Variants in DDX6 observed in about 807,000 individuals in gnomAD.
DDX6 encodes probable ATP-dependent RNA helicase DDX6.
In DDX6, 7 loss-of-function variants were observed where a neutral mutation model predicts 60.6. The ratio of observed to expected loss-of-function variants is 0.12; its 90% confidence interval spans 0.07 to 0.22. DDX6 has a LOEUF of 0.22. DDX6 is among the 10% of genes least tolerant of loss of function. The probability of loss-of-function intolerance (pLI) is 1.00; values close to 1 mark genes in which losing one functional copy is unlikely to be tolerated. For synonymous variants in DDX6, 207 were observed against 201.0 expected (o/e 1.03, Z -0.25); for missense variants, 270 against 589.9 (o/e 0.46, Z 5.62).
intron 7 of DDX6, among the ~76,000 whole-genome samples, chr11:118,762,028 A>G (rs1861188107): frequency 6.6e-6 from 1 of 152,008 alleles, no homozygotes; most frequent in Admixed American, 6.6e-5. Flanking sequence ...TAATCCCAGC[A>G]ATTTGGGAGG....
At chr11:118,763,336 CATTA>C (rs1565565788) in intron 6 of DDX6, 30 bp from the exon 7 acceptor site, 1 of 1,512,022 alleles carries the variant, frequency 6.6e-7, no homozygotes, top group South Asian at 1.1e-5. Flanking sequence ...CATACATTCT[CATTA>C]ATTTTAATTT....
At position 118,763,272 on chromosome 11, in the gene DDX6, C is replaced by G; in HGVS notation, c.681G>C (p.Leu227=). ...TTGCTACTCCTTTCTTAATAAGATC[C>G]AGGATTCTCCCAGGGGTAGCAATCA... ...HVVIATPGRI[L]DLIKKGVAKV... Residue 227 remains leucine, a synonymous_variant, in exon 7 of 14, where the codon CTG becomes CTC. Coordinates refer to ENST00000534980, the MANE Select transcript of DDX6 (RefSeq NM_004397.6). 2.5e-6 allele frequency: 4 copies of G among 1,612,960 alleles called. No homozygotes were observed. The highest frequency in any genetic ancestry group is 3.4e-6 in the Non-Finnish European group (4 of 1,179,596).
chr11:118,763,727 A>G (rs1392818727), intron 6 of DDX6, among the ~76,000 whole-genome samples: 4 of 151,840 alleles, frequency 2.6e-5, no homozygotes, highest in South Asian at 2.1e-4. Flanking sequence ...CCAGCTACTC[A>G]GGAGGCTGAG....
chr11:118,749,963 G>A lies in DDX6; in HGVS notation c.*2142C>T, dbSNP rs572253695. Reference sequence around the variant, plus strand: ...TTGCTACAGTTGTTAAGGAGTTAGGGCTATGTCCCATCAGGAGGCATCTGT... The same window carrying A: ...TTGCTACAGTTGTTAAGGAGTTAGGACTATGTCCCATCAGGAGGCATCTGT... On this transcript the variant is annotated 3_prime_UTR_variant, in exon 14 of 14. Transcript: ENST00000534980. 3.3e-5 allele frequency: 5 copies of A among 152,550 alleles called. No individual in the cohort carries two copies. The highest frequency in any genetic ancestry group is 7.3e-5 in the Non-Finnish European group (5 of 68,034). The allele number at this position is 152,550 out of a possible 1,614,324, so 9.4% of individuals were successfully genotyped here.
chr11:118,748,884 A>G lies in DDX6; in HGVS notation c.*3221T>C, dbSNP rs1860652302. The G allele has an allele frequency of 6.6e-6, 1 of 152,214 alleles. No individual in the cohort carries two copies. Among genetic ancestry groups the G allele is most frequent in the Non-Finnish European group, 1.5e-5 (1 of 68,046 alleles). 9.4% of individuals were successfully genotyped at this position (152,214 alleles called of 1,614,324 possible). A position where few individuals can be genotyped will look rare whatever the true frequency, so the allele number is the denominator to read the frequency against. ...TCAAGCACAAAGCACGTGGCAAAGG[A>G]AAGATGCTCCCATCTCATTCTGAAA... On this transcript the variant is annotated 3_prime_UTR_variant, in exon 14 of 14. Coordinates refer to ENST00000534980, the MANE Select transcript of DDX6 (RefSeq NM_004397.6).
At chr11:118,776,811 A>G (rs1555163694) in intron 4 of DDX6, among the ~76,000 whole-genome samples, 1 of 151,394 alleles carries the variant, frequency 6.6e-6, no homozygotes, top group African/African-American at 2.4e-5. Flanking sequence ...CCAGCCTGGC[A>G]ACAGAGTAAG....
chr11:118,765,728 C>T (rs994295767), intron 5 of DDX6, among the ~76,000 whole-genome samples: 7 of 150,136 alleles, frequency 4.7e-5, no homozygotes, highest in African/African-American at 1.5e-4. Context: ...GAGGCAAGAT[C>T]GCGCCACTGC....
chr11:118,767,594 C>T (rs1861396782), intron 5 of DDX6: 1 of 143,704 alleles, frequency 7.0e-6, no homozygotes, highest in Non-Finnish European at 1.5e-5. Flanking sequence ...GTAGCAATGT[C>T]AACTAATTTA....
intron 4 of DDX6, among the ~76,000 whole-genome samples, chr11:118,770,883 C>CA (rs369951350): frequency 0.23 from 22,391 of 95,322 alleles, 1,923 homozygotes; most frequent in South Asian, 0.33. Flanking sequence ...CTCAGTCTCA[C>CA]AAAAAAAAAA....
At chr11:118,767,394 A>ACCC (rs1555161449) in intron 5 of DDX6, among the ~76,000 whole-genome samples, 1 of 152,196 alleles carries the variant, frequency 6.6e-6, no homozygotes, top group Non-Finnish European at 1.5e-5. Context: ...GAAAGCTAAA[A>ACCC]ATGTAAAGTT....
chr11:118,757,360 C>T (rs1861011440), intron 9 of DDX6, 73 bp from the exon 10 acceptor site: 3 of 709,280 alleles, frequency 4.2e-6, no homozygotes, highest in Middle Eastern at 2.6e-4. Context: ...CTTGAAAACA[C>T]GAACCAGCAA....
At chr11:118,760,539 C>T (rs1363677107) in intron 7 of DDX6, among the ~76,000 whole-genome samples, 1 of 152,112 alleles carries the variant, frequency 6.6e-6, no homozygotes, top group Non-Finnish European at 1.5e-5. Context: ...AGTACGGGTT[C>T]TGGCCGGGCG....
intron 4 of DDX6, among the ~76,000 whole-genome samples, chr11:118,773,614 C>G (rs6589695): frequency 0.97 from 147,966 of 152,084 alleles, 72,015 homozygotes; most frequent in East Asian, 1. Context: ...TATGGTTACT[C>G]CAGACGAGGT....
intron 6 of DDX6, 112 bp from the exon 7 acceptor site, chr11:118,763,418 A>G: frequency 1.2e-6 from 1 of 820,590 alleles, no homozygotes; most frequent in East Asian, 2.5e-5. Context: ...TGAGAAATGC[A>G]TTGCTATGTG....
At position 118,772,438 on chromosome 11, in the gene DDX6, G is replaced by A. The variant is rs577249726; in HGVS notation, c.370-4086C>T. 7.5e-4 allele frequency among the ~76,000 whole-genome samples: 115 copies of A among 152,318 alleles called. 1 individual carries two copies. In the South Asian group the frequency reaches 0.023, roughly 30 times the overall value. The stretch of plus-strand genomic sequence containing the variant: ...CTATAGGATTCTATTTATATGACAT[G>A]TCCAGACTAGGCAAAGCTAGAATGA... On this transcript the variant is annotated intron_variant, in intron 4 of 13. Transcript: ENST00000534980.
In DDX6 at chr11:118,755,515, AAAG is replaced by A. The variant is rs1860935121; in HGVS notation, c.1175-15_1175-13del. 1 of 1,461,178 alleles carries A rather than the reference AAAG, an allele frequency of 6.8e-7. No individual in the cohort carries two copies. The highest frequency in any genetic ancestry group is 1.2e-5 in the South Asian group (1 of 86,216). The allele number at this position is 1,461,178 out of a possible 1,614,324, so 90.5% of individuals were successfully genotyped here. On this transcript the variant is annotated splice_polypyrimidine_tract_variant and intron_variant, in intron 11 of 13. Coordinates refer to ENST00000534980, the MANE Select transcript of DDX6 (RefSeq NM_004397.6). ...TCGGGTAAACAGATCTTAAAAAAAA[AAAG>A]ATAATTTTCATTTTTTCAATTTAGA...
intron 13 of DDX6, 70 bp from the exon 14 acceptor site, chr11:118,752,167 A>G (rs369790982): frequency 5.5e-6 from 1 of 182,042 alleles, no homozygotes; most frequent in East Asian, 1.7e-4. Context: ...GGTTTTCACA[A>G]TCCTCATCCC....
In DDX6 at chr11:118,749,967, T is replaced by C. The variant is rs1352143022; in HGVS notation, c.*2138A>G. 1 of 152,618 alleles carries C rather than the reference T, an allele frequency of 6.6e-6. No individual in the cohort carries two copies. Among genetic ancestry groups the C allele is most frequent in the Admixed American group, 6.5e-5 (1 of 15,276 alleles). 9.5% of individuals were successfully genotyped at this position (152,618 alleles called of 1,614,324 possible). A position where few individuals can be genotyped will look rare whatever the true frequency, so the allele number is the denominator to read the frequency against. ...TACAGTTGTTAAGGAGTTAGGGCTATGTCCCATCAGGAGGCATCTGTAGGA... is the reference window on the plus strand; with the variant it reads ...TACAGTTGTTAAGGAGTTAGGGCTACGTCCCATCAGGAGGCATCTGTAGGA... On this transcript the variant is annotated 3_prime_UTR_variant, in exon 14 of 14. Transcript: ENST00000534980.
chr11:118,765,423 A>C, intron 5 of DDX6, 68 bp from the exon 6 acceptor site: 1 of 1,511,354 alleles, frequency 6.6e-7, no homozygotes, highest in Non-Finnish European at 9.2e-7. Flanking sequence ...ATACATCATT[A>C]TTTACAAAAT....
Sources: allele counts gnomAD v4.1 joint callset (sites outside exome capture counted in the v4.1 genomes callset), GRCh38; gene constraint gnomAD v4.1.1; transcripts MANE v1.5; gene names NCBI Gene and HGNC (gene_info 2026-07-23, HGNC 2026-07-21).